The following DPP6 variants were observed in gnomAD, a reference collection of about 807,000 sequenced individuals.
DPP6 encodes the protein dipeptidyl peptidase like 6.
Under a neutral mutation model 122.6 loss-of-function variants are expected in DPP6, and 69 were observed. The ratio of observed to expected loss-of-function variants is 0.56; its 90% CI spans 0.46 to 0.69. The LOEUF (loss-of-function observed/expected upper bound fraction) is 0.69. Among genes scored for constraint, DPP6 ranks in the 30% least tolerant of loss-of-function variants. DPP6 has a pLI of 0.00. For missense variants in DPP6, 928 were observed against 1,116.9 expected, an observed-to-expected ratio of 0.83 and a Z score of 2.41; for synonymous variants, 418 against 433.1, an observed-to-expected ratio of 0.97 and a Z score of 0.43.
chr7:154,474,538 A>G (rs1475399275), intron 2 of DPP6, among the ~76,000 whole-genome samples: 1 of 152,246 alleles, frequency 6.6e-6, no homozygotes, highest in Non-Finnish European at 1.5e-5. Flanking sequence ...AGCAGCTAAA[A>G]TGCTGCACTT....
chr7:154,106,655 T>G (rs1806181866), intron 1 of DPP6, among the ~76,000 whole-genome samples: 1 of 151,470 alleles, frequency 6.6e-6, no homozygotes, highest in African/African-American at 2.4e-5. Context: ...TCTGGGAAGG[T>G]GTCTCTCCTG....
At chr7:154,305,563 T>C in intron 1 of DPP6, 1 of 1,594,000 alleles carries the variant, frequency 6.3e-7, no homozygotes, top group Non-Finnish European at 8.5e-7. Context: ...TAATGCTGCT[T>C]TTGGGGGTCC....
At chr7:153,868,561 G>C in the DPP6 span, among the ~76,000 whole-genome samples, 1 of 151,586 alleles carries the variant, frequency 6.6e-6, no homozygotes, top group Non-Finnish European at 1.5e-5. Context: ...TATTAGTCTT[G>C]CTAGCAGTCT....
At position 153,901,800 on chromosome 7, in the gene DPP6, C is replaced by T. The variant is rs1356880045; in HGVS notation, c.51+14066C>T. On this transcript the variant is annotated intron_variant, in intron 1 of 25. Coordinates refer to the DPP6 transcript ENST00000404039. ...TTATTTAGGTGAATTCAGGTTGTTA[C>T]ATGGTCTTGCCACAAGTGCATCTTA... Among the ~76,000 whole-genome samples the T allele has an allele frequency of 2.0e-5, 3 of 151,576 alleles. No homozygotes were observed. The East Asian group carries it at 5.8e-4, about 29-fold the overall frequency.
intron 1 of DPP6, among the ~76,000 whole-genome samples, chr7:154,111,128 G>C (rs1483738924): frequency 6.6e-6 from 1 of 152,170 alleles, no homozygotes; most frequent in Non-Finnish European, 1.5e-5. Flanking sequence ...AGTACCATGG[G>C]CTGTGCTTGA....
rs578037536 is a variant in DPP6 at position 153,973,002 on chromosome 7, G to A, written c.51+85268G>A. ...AGTCTAAAAGTGGGTTAGATGTAAC[G>A]GTGCCTTTAGAAATTAGGTCTTGTG... is the stretch of plus-strand genomic sequence containing the variant. On this transcript the variant is annotated intron_variant, in intron 1 of 25. Coordinates refer to the DPP6 transcript ENST00000404039. Among the ~76,000 whole-genome samples the A allele has an allele frequency of 6.5e-3, 979 of 151,662 alleles. 2 individuals are homozygous for A. Among genetic ancestry groups the A allele is most frequent in the Non-Finnish European group, 0.011 (727 of 67,888 alleles).
intron 1 of DPP6, among the ~76,000 whole-genome samples, chr7:153,918,464 ACACT>A (rs1261312394): frequency 0.021 from 1,778 of 85,182 alleles, 14 homozygotes; most frequent in Non-Finnish European, 0.027. Context: ...ACACACACAC[ACACT>A]CTCTCTCTCT....
intron 8 of DPP6, among the ~76,000 whole-genome samples, chr7:154,739,407 G>A (rs1377856897): frequency 6.6e-6 from 1 of 152,218 alleles, no homozygotes; most frequent in Non-Finnish European, 1.5e-5. Flanking sequence ...GCCGTCCAGG[G>A]CAGCTGAGGG....
chr7:154,711,945 C>CACACACACAA (rs1554443049), intron 7 of DPP6, among the ~76,000 whole-genome samples: 1 of 149,796 alleles, frequency 6.7e-6, no homozygotes, highest in East Asian at 1.9e-4. Flanking sequence ...TTAATACACA[C>CACACACACAA]ACACACACAC....
Position 154,808,096 on chromosome 7 carries a change from A to C in DPP6, c.1666+984A>C, listed in dbSNP as rs144996086. Among the ~76,000 whole-genome samples the C allele has an allele frequency of 7.1e-3, 1,081 of 152,358 alleles. 7 individuals carry two copies. Among genetic ancestry groups the C allele is most frequent in the Middle Eastern group, 0.02 (6 of 294 alleles). On this transcript the variant is annotated intron_variant, in intron 16 of 25. Coordinates refer to ENST00000377770, the MANE Select transcript of DPP6 (RefSeq NM_130797.4). ...AAATATGATCTCCTGCGATGACCTC[A>C]AAGAATGAAAATATGCCACAGGCAG... is the stretch of plus-strand genomic sequence containing the variant.
At chr7:153,798,811 G>C in the DPP6 span, among the ~76,000 whole-genome samples, 2 of 152,192 alleles carry the variant, frequency 1.3e-5, no homozygotes, top group Admixed American at 6.5e-5. Context: ...AGTCCCACTG[G>C]GGGGTGATGG....
At chr7:153,850,158 C>T in the DPP6 span, among the ~76,000 whole-genome samples, 198 of 152,282 alleles carry the variant, frequency 1.3e-3, 3 homozygotes, top group African/African-American at 4.2e-3. Flanking sequence ...AGTCCAGACA[C>T]AGCTTAGGTG....
chr7:154,091,102 CAG>C (rs978876582), intron 1 of DPP6, among the ~76,000 whole-genome samples: 30 of 146,580 alleles, frequency 2.0e-4, no homozygotes, highest in African/African-American at 7.7e-4. Flanking sequence ...GCTTGGGCAA[CAG>C]AGCAAGACTC....
intron 3 of DPP6, among the ~76,000 whole-genome samples, chr7:154,493,443 A>C (rs538075915): frequency 2.6e-5 from 4 of 152,248 alleles, no homozygotes; most frequent in Middle Eastern, 6.8e-3. Context: ...TTTTATTTAA[A>C]TTGACACAAA....
At chr7:154,076,793 G>T (rs574268387) in intron 1 of DPP6, among the ~76,000 whole-genome samples, 1 of 152,076 alleles carries the variant, frequency 6.6e-6, no homozygotes, top group Non-Finnish European at 1.5e-5. Context: ...CTGACAAGGT[G>T]TACCCTCAGT....
intron 1 of DPP6, among the ~76,000 whole-genome samples, chr7:154,290,485 C>A (rs915990659): frequency 6.6e-6 from 1 of 152,074 alleles, no homozygotes; most frequent in African/African-American, 2.4e-5. Context: ...TGCCACCCCC[C>A]TGCCTTGCAC....
intron 1 of DPP6, among the ~76,000 whole-genome samples, chr7:154,081,886 G>A (rs1399111733): frequency 6.6e-6 from 1 of 152,140 alleles, no homozygotes; most frequent in Non-Finnish European, 1.5e-5. Context: ...GAGTGTATGT[G>A]ACGGAAAATG....
intron 1 of DPP6, among the ~76,000 whole-genome samples, chr7:154,236,262 C>T (rs1249188850): frequency 6.6e-6 from 1 of 152,142 alleles, no homozygotes; most frequent in Non-Finnish European, 1.5e-5. Flanking sequence ...ATACCTGGTA[C>T]ATTTTAAACA....
At position 153,928,396 on chromosome 7, in the gene DPP6, A is replaced by ATTTTTTTTTTTTTTTTTTTT. The variant is rs71182854; in HGVS notation, c.51+40668_51+40687dup. The stretch of plus-strand genomic sequence containing the variant: ...CTGGCTAATTTTTTTCTTTTCTTTC[A>ATTTTTTTTTTTTTTTTTTTT]TTTTTTTTTTTTTTTTTTTTTTTTT... On this transcript the variant is annotated intron_variant, in intron 1 of 25. Transcript: ENST00000404039. 2.8e-3 allele frequency among the ~76,000 whole-genome samples: 122 copies of ATTTTTTTTTTTTTTTTTTTT among 43,680 alleles called. 20 individuals carry two copies. The highest frequency in any genetic ancestry group is 3.3e-3 in the Non-Finnish European group (75 of 22,860). The allele number at this position is 43,680 out of a possible 152,430, so 28.7% of individuals were successfully genotyped here.
Sources: allele counts gnomAD v4.1 joint callset (sites outside exome capture counted in the v4.1 genomes callset), GRCh38; gene constraint gnomAD v4.1.1; transcripts MANE v1.5; gene names NCBI Gene and HGNC (gene_info 2026-07-23, HGNC 2026-07-21).